The following TMEM225 variants were observed in gnomAD, a reference collection of about 807,000 sequenced individuals.
TMEM225 encodes transmembrane protein 225, also known as PMP22 claudin domain-containing protein.
In TMEM225, 10 loss-of-function variants were observed where a neutral mutation model predicts 17.6. The observed-to-expected ratio is 0.57, with a 90% CI of 0.35 to 0.96. TMEM225 has a LOEUF of 0.96. TMEM225 is among the 40% of genes least tolerant of loss of function. TMEM225 has a pLI of 0.02. For synonymous variants in TMEM225, 101 were observed against 94.5 expected (o/e 1.07, Z -0.40); for missense variants, 245 against 271.5 (o/e 0.90, Z 0.69).
chr11:123,883,165 T>C lies in TMEM225; in HGVS notation c.651A>G (p.Gln217=). ...ACAGAGCCCAGGTTACGTGACGTGT[T>C]TGGACTTTTTTGTTTAGGGAATTCA... The part of the protein sequence containing the change: ...HTVNSLNKKV[Q]TRHVTWAL Residue 217 remains glutamine (Q), a synonymous_variant, in exon 4 of 4, where the codon CAA becomes CAG. Transcript: ENST00000375026. 6.2e-7 allele frequency: 1 copy of C among 1,613,430 alleles called. No homozygotes were observed. Among genetic ancestry groups the C allele is most frequent in the Non-Finnish European group, 8.5e-7 (1 of 1,179,542 alleles).
Position 123,885,578 on chromosome 11 carries a change from G to A in TMEM225, c.-153C>T. The A allele has an allele frequency of 1.5e-6, 1 of 675,884 alleles. No homozygotes were observed. The highest frequency in any genetic ancestry group is 2.0e-5 in the South Asian group (1 of 50,090). 41.9% of individuals were successfully genotyped at this position (675,884 alleles called of 1,614,324 possible). ...CTGAAGTAGTCTATAAAACAGAGAA[G>A]ATAGATAACTCTCACCCTTCCTCAC... On this transcript the variant is annotated 5_prime_UTR_variant, in exon 1 of 4. Transcript: ENST00000375026.
chr11:123,884,842 A>G (rs551511402), intron 1 of TMEM225, among the ~76,000 whole-genome samples: 1 of 152,158 alleles, frequency 6.6e-6, no homozygotes, highest in Non-Finnish European at 1.5e-5. Flanking sequence ...ATGTCTCTCT[A>G]TGTGTCTTTC....
At position 123,884,599 on chromosome 11, in the gene TMEM225, GCT is replaced by G. The variant is rs868567384; in HGVS notation, c.217_218del (p.Ser73ProfsTer8). 27 of 1,613,236 alleles carry G rather than the reference GCT, an allele frequency of 1.7e-5. No individual in the cohort carries two copies. The highest frequency in any genetic ancestry group is 2.2e-5 in the Non-Finnish European group (26 of 1,179,524). On this transcript the variant is annotated frameshift_variant, in exon 2 of 4. Coordinates refer to ENST00000375026, the MANE Select transcript of TMEM225 (RefSeq NM_001013743.3). LOFTEE classifies it high-confidence loss of function. ...AGTTAAGGAGGAAGGAAAGGCCAAG[GCT>G]CGACGTCATCATAATCCTGACCACT... ...LKVVRIMMTS[S>X]LGLSFLLNLI...
rs1459405368 is a variant in TMEM225 at position 123,885,455 on chromosome 11, C to T, written c.-30G>A. 6.3e-7 allele frequency: 1 copy of T among 1,593,052 alleles called. No individual in the cohort carries two copies. The highest frequency in any genetic ancestry group is 1.7e-5 in the Admixed American group (1 of 58,656). ...AGTGAAAATTTCTAGCTGGAACCAC[C>T]ACCACTATTTTGTAGATCTCTTCCT... On this transcript the variant is annotated 5_prime_UTR_variant, in exon 1 of 4. Transcript: ENST00000375026.
chr11:123,884,733 G>C (rs564557452), intron 1 of TMEM225, 97 bp from the exon 2 acceptor site: 1 of 1,188,462 alleles, frequency 8.4e-7, no homozygotes, highest in Admixed American at 2.5e-5. Flanking sequence ...ATTGGAATAG[G>C]GTGAAAGATT....
rs1280776236 is a variant in TMEM225 at position 123,885,384 on chromosome 11, T to A, written c.42A>T (p.Ile14=). 3 of 1,613,438 alleles carry A rather than the reference T, an allele frequency of 1.9e-6. No individual in the cohort carries two copies. The highest frequency in any genetic ancestry group is 2.5e-6 in the Non-Finnish European group (3 of 1,179,608). Reference sequence around the variant, plus strand: ...AGACTACGGCCCAGGAGGAGAAAAGTATGTTCATACCCTGGATACTTCTAT... The same window carrying A: ...AGACTACGGCCCAGGAGGAGAAAAGAATGTTCATACCCTGGATACTTCTAT... The part of the protein sequence containing the change: ...VSNRSIQGMN[I]LFSSWAVVLM... Residue 14 remains isoleucine, a synonymous_variant, in exon 1 of 4, where the codon ATA becomes ATT. Coordinates refer to ENST00000375026, the MANE Select transcript of TMEM225 (RefSeq NM_001013743.3).
In TMEM225 at chr11:123,885,257, G is replaced by A. The variant is rs914261550; in HGVS notation, c.169C>T (p.Leu57Phe). ...HSPWMMCCPA[L>F]WPEDDLKVVR... Reference sequence around the variant, plus strand: ...GTACAGTTCTGACCTTCTGGCCAAAGAGCAGGGCAACACATCATCCAAGGA... The same window carrying A: ...GTACAGTTCTGACCTTCTGGCCAAAAAGCAGGGCAACACATCATCCAAGGA... The change falls in exon 1 of 4, where the codon CTT (leucine) becomes TTT (phenylalanine). Residue 57 changes from leucine (L) to phenylalanine (F), a missense_variant. By Grantham distance (22) the Leu-to-Phe change is conservative. Coordinates refer to ENST00000375026, the MANE Select transcript of TMEM225 (RefSeq NM_001013743.3). The A allele has an allele frequency of 6.2e-7, 1 of 1,613,322 alleles. No homozygotes were observed. The highest frequency in any genetic ancestry group is 2.2e-5 in the East Asian group (1 of 44,854).
In TMEM225 at chr11:123,885,624, AG is replaced by A. The variant is rs1215123969; in HGVS notation, c.-200del. ...CTCACTTCCGTTATCTATCAGGGCC[AG>A]CCTGCTGTCAGGACTGCCAACTGCC... On this transcript the variant is annotated 5_prime_UTR_variant, in exon 1 of 4. An upstream open reading frame in the 5' UTR loses its in-frame stop. Transcript: ENST00000375026. The A allele has an allele frequency of 3.4e-6, 2 of 583,538 alleles. No individual in the cohort carries two copies. The highest frequency in any genetic ancestry group is 6.0e-6 in the Non-Finnish European group (2 of 334,488). 36.1% of individuals were successfully genotyped at this position (583,538 alleles called of 1,614,324 possible).
In TMEM225 at chr11:123,884,548, A is replaced by G; in HGVS notation, c.270T>C (p.Tyr90=). 1.2e-6 allele frequency: 2 copies of G among 1,613,372 alleles called. No individual in the cohort carries two copies. The highest frequency in any genetic ancestry group is 1.7e-6 in the Non-Finnish European group (2 of 1,179,578). Residue 90 remains tyrosine (Y), a synonymous_variant, in exon 2 of 4, where the codon TAT becomes TAC. Coordinates refer to ENST00000375026, the MANE Select transcript of TMEM225 (RefSeq NM_001013743.3). Reference sequence around the variant, plus strand: ...GTATATATTTATTTTGAGGAATCAGATAGGTGAATTTCATACCCAGGATTA... The same window carrying G: ...GTATATATTTATTTTGAGGAATCAGGTAGGTGAATTTCATACCCAGGATTA... ...LNLILGMKFT[Y]LIPQNKYIQL...
rs1863033406 is a variant in TMEM225 at position 123,885,641 on chromosome 11, G to A, written c.-216C>T. The A allele has an allele frequency of 9.1e-6, 5 of 552,150 alleles. No individual in the cohort carries two copies. The highest frequency in any genetic ancestry group is 1.6e-5 in the Non-Finnish European group (5 of 313,656). The allele number at this position is 552,150 out of a possible 1,614,324, so 34.2% of individuals were successfully genotyped here. ...TCAGGGCCAGCCTGCTGTCAGGACT[G>A]CCAACTGCCATGGAATCATCTATTG... On this transcript the variant is annotated 5_prime_UTR_variant, in exon 1 of 4. Coordinates refer to ENST00000375026, the MANE Select transcript of TMEM225 (RefSeq NM_001013743.3).
At chr11:123,885,133 G>A in intron 1 of TMEM225, 112 bp downstream of exon 1, 1 of 963,510 alleles carries the variant, frequency 1.0e-6, no homozygotes, top group East Asian at 2.5e-5. Context: ...AACTTGAGAA[G>A]CTGCACCAGA....
intron 2 of TMEM225, 26 bp downstream of exon 2, chr11:123,884,464 T>C (rs202089181): frequency 6.3e-7 from 1 of 1,595,624 alleles, no homozygotes; most frequent in African/African-American, 1.3e-5. Context: ...ACCTACAAGC[T>C]TGTGTTAGGG....
At chr11:123,883,651 G>C (rs1012970026) in intron 3 of TMEM225, among the ~76,000 whole-genome samples, 1 of 152,066 alleles carries the variant, frequency 6.6e-6, no homozygotes, top group Admixed American at 6.6e-5. Context: ...GGGAGACTTC[G>C]GTTTCGGTAG....
Position 123,883,109 on chromosome 11 carries a change from G to C in TMEM225, c.*29C>G, listed in dbSNP as rs1862983336. On this transcript the variant is annotated 3_prime_UTR_variant, in exon 4 of 4. Coordinates refer to ENST00000375026, the MANE Select transcript of TMEM225 (RefSeq NM_001013743.3). ...CACAAAGCTTTTTCCATAAAGATGA[G>C]CATATACTGCAAGAAATAGATTGCC... is the stretch of plus-strand genomic sequence containing the variant. 1 of 1,581,038 alleles carries C rather than the reference G, an allele frequency of 6.3e-7. No individual in the cohort carries two copies. The highest frequency in any genetic ancestry group is 2.2e-5 in the East Asian group (1 of 44,624).
Position 123,883,241 on chromosome 11 carries a change from G to C in TMEM225, c.575C>G (p.Ser192Ter), listed in dbSNP as rs867435986. The C allele has an allele frequency of 6.2e-7, 1 of 1,613,378 alleles. No homozygotes were observed. Among genetic ancestry groups the C allele is most frequent in the East Asian group, 2.2e-5 (1 of 44,836 alleles). Residue 192 changes from serine (S) to a stop codon, truncating the protein, a stop_gained, in exon 4 of 4, where the codon TCA becomes TGA. Coordinates refer to ENST00000375026, the MANE Select transcript of TMEM225 (RefSeq NM_001013743.3). LOFTEE classifies it low-confidence loss of function (END_TRUNC). ...KESENSIEDI[S>*]LPECTAMPRS... ...AGGCATTGCAGTGCATTCTGGTAAT[G>C]AAATATCTTCGATAGAATTCTCAGA...
chr11:123,884,564 C>T lies in TMEM225; in HGVS notation c.254G>A (p.Gly85Asp). ...GLSFLLNLIL[G>D]MKFTYLIPQN... ...AGGAATCAGATAGGTGAATTTCATACCCAGGATTAAGTTAAGGAGGAAGGA... is the reference window on the plus strand; with the variant it reads ...AGGAATCAGATAGGTGAATTTCATATCCAGGATTAAGTTAAGGAGGAAGGA... Residue 85 changes from glycine (G) to aspartate (D), a missense_variant, in exon 2 of 4, where the codon GGT becomes GAT. Coordinates refer to ENST00000375026, the MANE Select transcript of TMEM225 (RefSeq NM_001013743.3). The T allele has an allele frequency of 1.2e-6, 2 of 1,613,238 alleles. No individual in the cohort carries two copies. The highest frequency in any genetic ancestry group is 1.1e-5 in the South Asian group (1 of 91,012).
In TMEM225 at chr11:123,884,209, C is replaced by T. The variant is rs778750727; in HGVS notation, c.329G>A (p.Gly110Asp). Residue 110 changes from glycine (G) to aspartate (D), a missense_variant and splice_region_variant, in exon 3 of 4, where the codon GGT (glycine) becomes GAT (aspartate). Transcript: ENST00000375026. Reference sequence around the variant, plus strand: ...TATGAGTGCCCAGAGCAGAGAGATACCTGATGTCCAGACAAAAAAAAAAAA... The same window carrying T: ...TATGAGTGCCCAGAGCAGAGAGATATCTGATGTCCAGACAAAAAAAAAAAA... ...LFTTILSFFS[G>D]ISLLWALILY... 6 of 1,481,716 alleles carry T rather than the reference C, an allele frequency of 4.0e-6. No homozygotes were observed. The highest frequency in any genetic ancestry group is 1.3e-5 in the South Asian group (1 of 77,320). The allele number at this position is 1,481,716 out of a possible 1,614,324, so 91.8% of individuals were successfully genotyped here. A position where few individuals can be genotyped will look rare whatever the true frequency, so the allele number is the denominator to read the frequency against.
In TMEM225 at chr11:123,883,210, G is replaced by A; in HGVS notation, c.606C>T (p.Ser202=). 6.2e-7 allele frequency: 1 copy of A among 1,613,450 alleles called. No homozygotes were observed. The highest frequency in any genetic ancestry group is 8.5e-7 in the Non-Finnish European group (1 of 1,179,554). ...AATTCACAGTGTGTGCACGGACAATGCTACGAGGCATTGCAGTGCATTCTG... is the reference window on the plus strand; with the variant it reads ...AATTCACAGTGTGTGCACGGACAATACTACGAGGCATTGCAGTGCATTCTG... ...SLPECTAMPR[S]IVRAHTVNSL... The change falls in exon 4 of 4, where the codon AGC becomes AGT. Residue 202 remains serine (S), a synonymous_variant. Coordinates refer to ENST00000375026, the MANE Select transcript of TMEM225 (RefSeq NM_001013743.3).
rs769526042 is a variant in TMEM225 at position 123,883,326 on chromosome 11, A to T, written c.490T>A (p.Leu164Met). Reference protein sequence around the residue: ...CGVLSLLECKLSTSSCTCLNI... With the variant: ...CGVLSLLECKMSTSSCTCLNI... ...AGGCAGGTACAGCTACTGGTAGACA[A>T]CTTGCACTCTAGGAGAGAGAGGACT... is the stretch of plus-strand genomic sequence containing the variant. The change falls in exon 4 of 4, where the codon TTG (leucine) becomes ATG (methionine). Residue 164 changes from leucine to methionine, a missense_variant. Leu to Met is a conservative substitution (Grantham distance 15). Transcript: ENST00000375026. 222 of 1,612,924 alleles carry T rather than the reference A, an allele frequency of 1.4e-4. No homozygotes were observed. Among genetic ancestry groups the T allele is most frequent in the Non-Finnish European group, 1.8e-4 (207 of 1,179,328 alleles).
Sources: gnomAD v4.1 joint callset for allele counts (sites outside exome capture counted in the v4.1 genomes callset) on GRCh38, gnomAD v4.1.1 for gene constraint, MANE v1.5 for transcripts, NCBI Gene and HGNC (gene_info 2026-07-23, HGNC 2026-07-21) for gene names.